The following RELN variants were observed in gnomAD, a reference collection of about 807,000 sequenced individuals.
RELN encodes reelin.
Under a neutral mutation model 427.6 loss-of-function variants are expected in RELN, and 108 were observed. The ratio of observed to expected loss-of-function variants is 0.25; its 90% CI spans 0.22 to 0.30. RELN has a LOEUF of 0.30. Ranked by LOEUF, RELN falls within the 10% of genes least tolerant of loss-of-function variation. The probability of loss-of-function intolerance (pLI) is 1.00; values close to 1 mark genes in which losing one functional copy is unlikely to be tolerated. For missense variants in RELN, 3,715 were observed against 4,302.8 expected (o/e 0.86, Z 3.82); for synonymous variants, 1,524 against 1,513.4 (o/e 1.01, Z -0.16).
At chr7:103,534,447 C>A (rs1830006222) in intron 46 of RELN, among the ~76,000 whole-genome samples, 1 of 152,026 alleles carries the variant, frequency 6.6e-6, no homozygotes, top group Non-Finnish European at 1.5e-5. Flanking sequence ...TTAGATTTAA[C>A]TTCTTTATCA....
intron 22 of RELN, among the ~76,000 whole-genome samples, chr7:103,606,849 C>T (rs1831831785): frequency 6.6e-6 from 1 of 152,016 alleles, no homozygotes; most frequent in Non-Finnish European, 1.5e-5. Flanking sequence ...CTTAAAACCA[C>T]AATCCGGTAT....
At chr7:103,524,092 A>T (rs2117096106) in intron 46 of RELN, among the ~76,000 whole-genome samples, 1 of 152,358 alleles carries the variant, frequency 6.6e-6, no homozygotes, top group Non-Finnish European at 1.5e-5. Flanking sequence ...CTTGTAAAAA[A>T]CAGACAGTCA....
intron 10 of RELN, among the ~76,000 whole-genome samples, chr7:103,689,266 G>T (rs1833823320): frequency 6.6e-6 from 1 of 151,530 alleles, no homozygotes; most frequent in African/African-American, 2.4e-5. Context: ...AAGAGAAAAA[G>T]ATTAGCAGGT....
At chr7:103,952,139 T>C (rs1171801942) in intron 1 of RELN, among the ~76,000 whole-genome samples, 1 of 152,250 alleles carries the variant, frequency 6.6e-6, no homozygotes, top group African/African-American at 2.4e-5. Context: ...TTTATTGCTT[T>C]TTAGAGCTTA....
chr7:103,680,167 G>C (rs2115684499), intron 11 of RELN, among the ~76,000 whole-genome samples: 1 of 152,192 alleles, frequency 6.6e-6, no homozygotes, highest in South Asian at 2.1e-4. Flanking sequence ...GGAAGATACA[G>C]GCACACACAG....
chr7:103,597,490 C>T (rs1831565171), intron 24 of RELN, among the ~76,000 whole-genome samples: 2 of 152,126 alleles, frequency 1.3e-5, no homozygotes, highest in Admixed American at 6.5e-5. Flanking sequence ...GTAATCCCAG[C>T]TATTCAGGAG....
At position 103,589,688 on chromosome 7, in the gene RELN, G is replaced by T; in HGVS notation, c.4053C>A (p.Ser1351=). 6.2e-7 allele frequency: 1 copy of T among 1,614,018 alleles called. No homozygotes were observed. Among genetic ancestry groups the T allele is most frequent in the South Asian group, 1.1e-5 (1 of 91,078 alleles). Residue 1351 remains serine (S), a synonymous_variant, in exon 28 of 65, where the codon TCC becomes TCA. Transcript: ENST00000428762. ...ACATGGTGGGCTCACTTAGTTCTCT[G>T]GAGTTTCCTTCGCATCCTTTGCCTG... ...ASAGKGCEGN[S]RELSEPTMYH...
At chr7:103,710,699 C>T (rs1789773042) in intron 8 of RELN, among the ~76,000 whole-genome samples, 1 of 152,212 alleles carries the variant, frequency 6.6e-6, no homozygotes. Flanking sequence ...AATACCCTTT[C>T]TATTATTTCC....
intron 3 of RELN, among the ~76,000 whole-genome samples, chr7:103,804,355 C>A (rs1347374677): frequency 1.3e-5 from 2 of 151,990 alleles, no homozygotes; most frequent in Non-Finnish European, 2.9e-5. Context: ...TTTTCTATTT[C>A]AAATAAAACG....
chr7:103,697,264 T>C (rs1271981567), intron 10 of RELN, among the ~76,000 whole-genome samples: 3 of 152,122 alleles, frequency 2.0e-5, no homozygotes, highest in Non-Finnish European at 2.9e-5. Context: ...TTTCAACATA[T>C]GAATTCTGGG....
intron 2 of RELN, among the ~76,000 whole-genome samples, chr7:103,866,973 C>T (rs535721011): frequency 1.2e-4 from 18 of 152,102 alleles, no homozygotes; most frequent in African/African-American, 2.9e-4. Context: ...CAGATCAATA[C>T]GTTTCAAGGA....
chr7:103,878,163 C>T (rs1485580502), intron 2 of RELN, among the ~76,000 whole-genome samples: 2 of 151,984 alleles, frequency 1.3e-5, no homozygotes, highest in Admixed American at 6.6e-5. Flanking sequence ...AGCCTGGTCC[C>T]TCTTTTTAAA....
chr7:103,576,891 A>T (rs362649), intron 28 of RELN, among the ~76,000 whole-genome samples: 1 of 151,982 alleles, frequency 6.6e-6, no homozygotes, highest in Admixed American at 6.6e-5. Flanking sequence ...ATTTGTCCCA[A>T]TTGCTTTCCA....
intron 2 of RELN, among the ~76,000 whole-genome samples, chr7:103,874,009 T>C (rs1051263444): frequency 5.5e-5 from 8 of 144,688 alleles, no homozygotes; most frequent in African/African-American, 2.0e-4. Flanking sequence ...TTATCCACCA[T>C]GATCAAGTGG....
At chr7:103,741,148 G>T (rs1790643783) in intron 6 of RELN, among the ~76,000 whole-genome samples, 1 of 152,122 alleles carries the variant, frequency 6.6e-6, no homozygotes, top group Non-Finnish European at 1.5e-5. Flanking sequence ...CAAGAAAATA[G>T]AAGCTTTGGG....
At chr7:103,634,363 TA>T (rs1832533345) in intron 19 of RELN, among the ~76,000 whole-genome samples, 1 of 152,182 alleles carries the variant, frequency 6.6e-6, no homozygotes. Flanking sequence ...ACCTTAATTT[TA>T]AGCTTTCCCC....
chr7:103,722,785 G>C (rs998355317), intron 8 of RELN, among the ~76,000 whole-genome samples: 1 of 152,162 alleles, frequency 6.6e-6, no homozygotes. Context: ...GTTAGTCAGA[G>C]CTCAGGAAAT....
chr7:103,819,701 A>T (rs561777601), intron 3 of RELN, among the ~76,000 whole-genome samples: 9 of 152,242 alleles, frequency 5.9e-5, no homozygotes, highest in Admixed American at 5.2e-4. Flanking sequence ...TGCTTTTCAA[A>T]TAATAAAATA....
At chr7:103,882,011 C>T (rs764073372) in intron 2 of RELN, among the ~76,000 whole-genome samples, 11 of 152,130 alleles carry the variant, frequency 7.2e-5, no homozygotes, top group Non-Finnish European at 1.5e-4. Flanking sequence ...AAACAACCAA[C>T]GAATCAACTA....
Sources: gnomAD v4.1 joint callset for allele counts (sites outside exome capture counted in the v4.1 genomes callset) on GRCh38, gnomAD v4.1.1 for gene constraint, MANE v1.5 for transcripts, NCBI Gene and HGNC (gene_info 2026-07-23, HGNC 2026-07-21) for gene names.